SMOC1: variants seen among roughly 807,000 people sequenced by gnomAD.
SMOC1 encodes the protein SPARC related modular calcium binding 1, also known as SPARC-related modular calcium-binding protein 1.
SMOC1 carries 22 observed loss-of-function variants against 56.3 expected under a neutral mutation model. The observed-to-expected ratio is 0.39, with a 90% CI of 0.28 to 0.56. The LOEUF (loss-of-function observed/expected upper bound fraction) is 0.56, where lower values mean the gene tolerates loss of function less well. Ranked by LOEUF, SMOC1 falls within the 20% of genes least tolerant of loss-of-function variation. The probability of loss-of-function intolerance (pLI) is 0.61; values close to 1 mark genes in which losing one functional copy is unlikely to be tolerated. For missense variants in SMOC1, 509 were observed against 565.4 expected (o/e 0.90, Z 1.01); for synonymous variants, 193 against 215.0 (o/e 0.90, Z 0.89).
chr14:69,902,600 C>T (rs1884273419), intron 1 of SMOC1, among the ~76,000 whole-genome samples: 1 of 151,978 alleles, frequency 6.6e-6, no homozygotes, highest in Non-Finnish European at 1.5e-5. Flanking sequence ...ACCATCTAGC[C>T]CTCTCCCTCT....
chr14:69,999,671 T>C (rs1884898903), intron 7 of SMOC1, among the ~76,000 whole-genome samples: 1 of 152,192 alleles, frequency 6.6e-6, no homozygotes, highest in Non-Finnish European at 1.5e-5. Context: ...GGATGGGGGA[T>C]GGGTGGTCAT....
chr14:70,016,845 T>A (rs975560322), intron 10 of SMOC1, among the ~76,000 whole-genome samples: 1 of 152,198 alleles, frequency 6.6e-6, no homozygotes, highest in Non-Finnish European at 1.5e-5. Flanking sequence ...TATTTAAATG[T>A]CACCTTCTCA....
intron 11 of SMOC1, among the ~76,000 whole-genome samples, chr14:70,025,098 T>C (rs994865403): frequency 6.6e-6 from 1 of 152,016 alleles, no homozygotes; most frequent in Non-Finnish European, 1.5e-5. Flanking sequence ...AGGTTAAGTA[T>C]AGAGGGATGT....
chr14:69,885,605 A>G (rs2139289430), intron 1 of SMOC1: 2 of 1,521,234 alleles, frequency 1.3e-6, no homozygotes, highest in Non-Finnish European at 1.8e-6. Flanking sequence ...GCAGTAAGGG[A>G]CCCCCATTTT....
chr14:70,000,845 AT>A (rs1325924168), intron 7 of SMOC1, among the ~76,000 whole-genome samples: 2 of 152,202 alleles, frequency 1.3e-5, no homozygotes, highest in Non-Finnish European at 2.9e-5. Flanking sequence ...ATGACACTTC[AT>A]CCCAGCAGCA....
At chr14:70,003,110 T>G (rs184800455) in intron 7 of SMOC1, among the ~76,000 whole-genome samples, 1 of 152,352 alleles carries the variant, frequency 6.6e-6, no homozygotes, top group Admixed American at 6.5e-5. Context: ...GAATTTCATG[T>G]TGTAATTTAG....
intron 3 of SMOC1, among the ~76,000 whole-genome samples, chr14:69,961,272 G>GTATATATATATATATA (rs35703501): frequency 2.7e-5 from 2 of 74,966 alleles, no homozygotes; most frequent in Non-Finnish European, 4.9e-5. Context: ...ATTCTATTGT[G>GTATATATATATATATA]TATATATATA....
At chr14:69,910,020 G>C (rs1319276263) in intron 1 of SMOC1, among the ~76,000 whole-genome samples, 1 of 152,134 alleles carries the variant, frequency 6.6e-6, no homozygotes, top group Non-Finnish European at 1.5e-5. Context: ...TTTCCTCCTG[G>C]CGACAGATCA....
intron 3 of SMOC1, among the ~76,000 whole-genome samples, chr14:69,958,233 C>G (rs143714482): frequency 1.1e-3 from 170 of 152,266 alleles, no homozygotes; most frequent in African/African-American, 3.9e-3. Flanking sequence ...TGAATAGCCA[C>G]TCCACTCCAG....
intron 7 of SMOC1, among the ~76,000 whole-genome samples, chr14:70,001,777 A>G (rs752731758): frequency 1.3e-5 from 2 of 152,214 alleles, no homozygotes; most frequent in Non-Finnish European, 2.9e-5. Flanking sequence ...AATCTTCACA[A>G]TGACCCTGTG....
chr14:69,972,481 A>G (rs1883799264), intron 3 of SMOC1, among the ~76,000 whole-genome samples: 1 of 152,210 alleles, frequency 6.6e-6, no homozygotes, highest in Admixed American at 6.5e-5. Context: ...CCTCACAGGC[A>G]CATGGCAACA....
rs1337816417 is a variant in SMOC1, at chr14:69,961,270, GTGTATATATA to G, written c.378+7740_378+7749del. On this transcript the variant is annotated intron_variant, in intron 3 of 11. Coordinates refer to ENST00000361956, the MANE Select transcript of SMOC1 (RefSeq NM_001034852.3). ...TTTTATTGTCAAGCAATATTCTATT[GTGTATATATA>G]TATATATATATATATATATATATAT... 1.5e-3 allele frequency among the ~76,000 whole-genome samples: 90 copies of G among 59,692 alleles called. 2 individuals are homozygous for G. Among genetic ancestry groups the G allele is most frequent in the African/African-American group, 5.0e-3 (63 of 12,542 alleles). The allele number at this position is 59,692 out of a possible 152,430, so 39.2% of individuals were successfully genotyped here. A position where few individuals can be genotyped will look rare whatever the true frequency, so the allele number is the denominator to read the frequency against.
At chr14:69,925,376 A>G (rs994421086) in intron 1 of SMOC1, among the ~76,000 whole-genome samples, 4 of 151,890 alleles carry the variant, frequency 2.6e-5, no homozygotes, top group Non-Finnish European at 4.4e-5. Flanking sequence ...GGGAGGAACC[A>G]TGATTGTCCC....
chr14:69,939,597 T>C (rs1172490375), intron 1 of SMOC1, among the ~76,000 whole-genome samples: 1 of 152,240 alleles, frequency 6.6e-6, no homozygotes, highest in East Asian at 1.9e-4. Flanking sequence ...TGGGGCTGCC[T>C]GTTGGAATCC....
intron 1 of SMOC1, among the ~76,000 whole-genome samples, chr14:69,943,584 C>G (rs1882661354): frequency 6.6e-6 from 1 of 152,170 alleles, no homozygotes; most frequent in Non-Finnish European, 1.5e-5. Context: ...GCGAACAGTC[C>G]CAGGTTGGAG....
chr14:69,895,561 G>A (rs1394398601), intron 1 of SMOC1, among the ~76,000 whole-genome samples: 1 of 152,168 alleles, frequency 6.6e-6, no homozygotes, highest in Non-Finnish European at 1.5e-5. Flanking sequence ...TTTTTGTTGA[G>A]GAGGGTCTGA....
At chr14:69,961,255 A>C (rs1883358620) in intron 3 of SMOC1, among the ~76,000 whole-genome samples, 2 of 116,110 alleles carry the variant, frequency 1.7e-5, no homozygotes, top group African/African-American at 7.1e-5. Flanking sequence ...TTTTATTGTC[A>C]AGCAATATTC....
Position 69,975,701 on chromosome 14 carries a change from A to G in SMOC1, c.379-14A>G. 6.2e-7 allele frequency: 1 copy of G among 1,600,500 alleles called. No homozygotes were observed. Among genetic ancestry groups the G allele is most frequent in the African/African-American group, 1.3e-5 (1 of 74,746 alleles). On this transcript the variant is annotated splice_polypyrimidine_tract_variant and intron_variant, in intron 3 of 11. Coordinates refer to ENST00000361956, the MANE Select transcript of SMOC1 (RefSeq NM_001034852.3). Reference sequence around the variant, plus strand: ...AGACTTATGGTTTTCTTCCCTTTTCACTTCCCTGAACAGGTGCAGTGCCAT... The same window carrying G: ...AGACTTATGGTTTTCTTCCCTTTTCGCTTCCCTGAACAGGTGCAGTGCCAT...
At chr14:69,880,595 A>G (rs1288826905) in intron 1 of SMOC1, among the ~76,000 whole-genome samples, 1 of 152,220 alleles carries the variant, frequency 6.6e-6, no homozygotes, top group Non-Finnish European at 1.5e-5. Flanking sequence ...CAATTGGTCT[A>G]ATAAAGAATT....
Sources: gnomAD v4.1 joint callset for allele counts (sites outside exome capture counted in the v4.1 genomes callset) on GRCh38, gnomAD v4.1.1 for gene constraint, MANE v1.5 for transcripts, NCBI Gene and HGNC (gene_info 2026-07-23, HGNC 2026-07-21) for gene names.